The following CDH7 variants were observed in gnomAD, a reference collection of about 807,000 sequenced individuals.
CDH7 encodes cadherin 7.
Under a neutral mutation model 71.8 loss-of-function variants are expected in CDH7, and 25 were observed. That is an observed-to-expected ratio of 0.35 (90% CI 0.25 to 0.49). The LOEUF is 0.49. Among genes scored for constraint, CDH7 ranks in the 20% least tolerant of loss-of-function variants. CDH7 has a pLI of 0.99. For missense variants in CDH7, 862 were observed against 974.6 expected, an observed-to-expected ratio of 0.88 and a Z score of 1.54; for synonymous variants, 381 against 363.8, an observed-to-expected ratio of 1.05 and a Z score of -0.54.
intron 11 of CDH7, among the ~76,000 whole-genome samples, chr18:65,876,285 T>G (rs774833062): frequency 6.6e-6 from 1 of 152,204 alleles, no homozygotes; most frequent in Non-Finnish European, 1.5e-5. Flanking sequence ...AATCAGAAAT[T>G]TAGGCCTGCA....
chr18:65,761,361 T>C (rs566239198), intron 1 of CDH7, among the ~76,000 whole-genome samples: 11 of 152,000 alleles, frequency 7.2e-5, no homozygotes, highest in Non-Finnish European at 1.6e-4. Flanking sequence ...ACATATAGTA[T>C]TTTCTTAAGA....
At chr18:65,834,476 A>G (rs1912464920) in intron 6 of CDH7, among the ~76,000 whole-genome samples, 1 of 152,236 alleles carries the variant, frequency 6.6e-6, no homozygotes, top group Non-Finnish European at 1.5e-5. Context: ...GAAACTGAAC[A>G]ATTTAAGTTA....
chr18:65,814,294 T>G (rs1911644329), intron 3 of CDH7, among the ~76,000 whole-genome samples, 191 bp from the exon 4 acceptor site: 1 of 152,178 alleles, frequency 6.6e-6, no homozygotes, highest in Non-Finnish European at 1.5e-5. Flanking sequence ...TTCAAGAGTT[T>G]TATTAATATT....
intron 7 of CDH7, among the ~76,000 whole-genome samples, chr18:65,850,750 G>C (rs999872152): frequency 5.3e-5 from 8 of 151,774 alleles, no homozygotes; most frequent in African/African-American, 1.9e-4. Flanking sequence ...TCAGAAGAGG[G>C]GTGAGGATAC....
rs147545568 is a variant in CDH7 at position 65,804,598 on chromosome 18, A to G, written c.211-5106A>G. On this transcript the variant is annotated intron_variant, in intron 2 of 11. Transcript: ENST00000397968. Reference sequence around the variant, plus strand: ...TTGCTCTTTTAGTTTTGGGCTCTACAATCTTTAATTTAAAAATAAGGAGGG... The same window carrying G: ...TTGCTCTTTTAGTTTTGGGCTCTACGATCTTTAATTTAAAAATAAGGAGGG... 3.9e-3 allele frequency among the ~76,000 whole-genome samples: 600 copies of G among 152,270 alleles called. 9 individuals are homozygous for G. The highest frequency in any genetic ancestry group is 0.013 in the African/African-American group (554 of 41,532).
intron 2 of CDH7, among the ~76,000 whole-genome samples, chr18:65,782,039 T>C (rs902649724): frequency 1.5e-5 from 1 of 64,890 alleles, no homozygotes; most frequent in African/African-American, 1.4e-4. Context: ...CCTTCCTTCC[T>C]TCCTTCCTTC....
At chr18:65,879,381 G>A (rs574618092) in intron 11 of CDH7, among the ~76,000 whole-genome samples, 1 of 152,200 alleles carries the variant, frequency 6.6e-6, no homozygotes, top group South Asian at 2.1e-4. Flanking sequence ...AAAATCGTAA[G>A]CTGATGCAAT....
chr18:65,760,068 T>A (rs1315032883), intron 1 of CDH7, among the ~76,000 whole-genome samples: 1 of 152,166 alleles, frequency 6.6e-6, no homozygotes, highest in East Asian at 1.9e-4. Context: ...ATAGATAACA[T>A]TCCAATGAAA....
chr18:65,781,958 CTCTT>C lies in CDH7; in HGVS notation c.210+18910_210+18913del, dbSNP rs1568182012. Among the ~76,000 whole-genome samples, 8 of 96,566 alleles carry C rather than the reference CTCTT, an allele frequency of 8.3e-5. 1 individual carries two copies. Among genetic ancestry groups the C allele is most frequent in the Non-Finnish European group, 7.4e-5 (4 of 53,976 alleles). The allele number at this position is 96,566 out of a possible 152,430, so 63.4% of individuals were successfully genotyped here. A position where few individuals can be genotyped will look rare whatever the true frequency, so the allele number is the denominator to read the frequency against. ...TCTCTCTCTCTCTTTCTCTCTTTCT[CTCTT>C]TCTCTCTCTCTCTCTCTCTCTCTCT... On this transcript the variant is annotated intron_variant, in intron 2 of 11. Coordinates refer to ENST00000397968, the MANE Select transcript of CDH7 (RefSeq NM_004361.5).
intron 2 of CDH7, among the ~76,000 whole-genome samples, chr18:65,765,630 C>T (rs990788538): frequency 6.6e-6 from 1 of 151,972 alleles, no homozygotes; most frequent in African/African-American, 2.4e-5. Context: ...GTGTATTCAA[C>T]CTAGGCCACT....
chr18:65,829,241 T>A (rs958704335), intron 6 of CDH7, among the ~76,000 whole-genome samples: 6 of 151,960 alleles, frequency 3.9e-5, no homozygotes, highest in Admixed American at 6.6e-5. Context: ...TGCCTCATCC[T>A]CCTGAGCAGC....
Position 65,862,905 on chromosome 18 carries a change from T to C in CDH7, c.1852T>C (p.Leu618=), listed in dbSNP as rs754853947. 5.6e-6 allele frequency: 9 copies of C among 1,614,174 alleles called. No homozygotes were observed. The highest frequency in any genetic ancestry group is 1.1e-5 in the South Asian group (1 of 91,082). Residue 618 remains leucine, a synonymous_variant, in exon 11 of 12, where the codon TTG becomes CTG. Transcript: ENST00000397968. ...CCTGATAGCCATACTCGCCTGTGTC[T>C]TGACATTATTGGGTAGGTACTGTTT... The part of the protein sequence containing the change: ...GALIAILACV[L]TLLVLILLIV...
intron 2 of CDH7, among the ~76,000 whole-genome samples, chr18:65,772,388 T>C (rs771474430): frequency 6.6e-6 from 1 of 152,182 alleles, no homozygotes; most frequent in Non-Finnish European, 1.5e-5. Flanking sequence ...GTATTTCTCA[T>C]CTACTCTATC....
intron 2 of CDH7, among the ~76,000 whole-genome samples, chr18:65,791,157 C>A (rs1349848827): frequency 3.3e-5 from 5 of 152,114 alleles, no homozygotes. Context: ...ACACCTTTGT[C>A]TTTTAGTCTT....
At chr18:65,842,299 C>G (rs1912761486) in intron 6 of CDH7, among the ~76,000 whole-genome samples, 1 of 152,004 alleles carries the variant, frequency 6.6e-6, no homozygotes, top group African/African-American at 2.4e-5. Flanking sequence ...GGCTTCAAAT[C>G]TAGTGGCTAA....
chr18:65,858,051 T>A (rs1370258176), intron 8 of CDH7, 99 bp downstream of exon 8: 9 of 1,145,798 alleles, frequency 7.9e-6, no homozygotes, highest in Non-Finnish European at 1.1e-5. Context: ...AGTAGTTCCT[T>A]CTTTGAATTG....
At chr18:65,751,254 G>A (rs956914754) in intron 1 of CDH7, 104 bp downstream of exon 1, 1 of 152,666 alleles carries the variant, frequency 6.6e-6, no homozygotes, top group African/African-American at 2.4e-5. Context: ...CGGAGAGCGG[G>A]CGGGGATGTC....
chr18:65,781,630 CT>C (rs1351802121), intron 2 of CDH7, among the ~76,000 whole-genome samples: 1 of 152,034 alleles, frequency 6.6e-6, no homozygotes, highest in African/African-American at 2.4e-5. Flanking sequence ...ACCTTTTCCA[CT>C]TTTTTCATTC....
chr18:65,792,185 CTTTTTTTTTTTTTTT>C (rs71167149), intron 2 of CDH7, among the ~76,000 whole-genome samples: 4 of 104,116 alleles, frequency 3.8e-5, no homozygotes, highest in African/African-American at 1.4e-4. Context: ...TGCAGCCAGT[CTTTTTTTTTTTTTTT>C]TTTTTTTTTT....
Sources: allele counts gnomAD v4.1 joint callset (sites outside exome capture counted in the v4.1 genomes callset), GRCh38; gene constraint gnomAD v4.1.1; transcripts MANE v1.5; gene names NCBI Gene and HGNC (gene_info 2026-07-23, HGNC 2026-07-21).